The following RSRC1 variants were observed in gnomAD, a reference collection of about 807,000 sequenced individuals.
The protein encoded by RSRC1 is arginine and serine rich coiled-coil 1, also known as serine/Arginine-related protein 53.
RSRC1 carries 39 observed loss-of-function variants against 49.1 expected under a neutral mutation model. The ratio of observed to expected loss-of-function variants is 0.79; its 90% CI spans 0.61 to 1.04. The LOEUF is 1.04. RSRC1 is among the 50% of genes least tolerant of loss of function. The pLI is 0.00. For missense variants in RSRC1, 388 were observed against 402.4 expected, an observed-to-expected ratio of 0.96 and a Z score of 0.31; for synonymous variants, 143 against 130.8, an observed-to-expected ratio of 1.09 and a Z score of -0.63.
intron 3 of RSRC1, among the ~76,000 whole-genome samples, chr3:158,144,391 T>A (rs1716944942): frequency 6.6e-6 from 1 of 152,126 alleles, no homozygotes; most frequent in African/African-American, 2.4e-5. Context: ...AGTGTTTGGT[T>A]TTTTGTCCTT....
At chr3:158,266,860 C>T (rs977073614) in intron 4 of RSRC1, among the ~76,000 whole-genome samples, 6 of 151,970 alleles carry the variant, frequency 3.9e-5, no homozygotes, top group African/African-American at 9.7e-5. Context: ...GCCTCCTGGG[C>T]TCAAATGATT....
intron 5 of RSRC1, among the ~76,000 whole-genome samples, chr3:158,345,741 T>G (rs1730514437): frequency 6.7e-6 from 1 of 149,660 alleles, no homozygotes; most frequent in Non-Finnish European, 1.5e-5. Context: ...ATAATTAGAG[T>G]CTAGAAAGAG....
intron 3 of RSRC1, among the ~76,000 whole-genome samples, chr3:158,196,339 C>T (rs965981730): frequency 3.3e-5 from 5 of 152,116 alleles, no homozygotes; most frequent in African/African-American, 1.2e-4. Context: ...GTGATGTTTG[C>T]ACACTGATTT....
chr3:158,514,093 G>T (rs1479936690), intron 7 of RSRC1, among the ~76,000 whole-genome samples: 1 of 152,098 alleles, frequency 6.6e-6, no homozygotes, highest in Non-Finnish European at 1.5e-5. Context: ...ATTTTTTGAA[G>T]GGTTTTCTGT....
At chr3:158,114,580 T>G (rs1424461168) in intron 1 of RSRC1, among the ~76,000 whole-genome samples, 1 of 152,206 alleles carries the variant, frequency 6.6e-6, no homozygotes, top group Non-Finnish European at 1.5e-5. Context: ...AATCTTTAGG[T>G]CACTTTGGGT....
At chr3:158,283,177 A>G (rs1465324846) in intron 4 of RSRC1, among the ~76,000 whole-genome samples, 1 of 152,204 alleles carries the variant, frequency 6.6e-6, no homozygotes, top group Non-Finnish European at 1.5e-5. Flanking sequence ...TAAAGTGAAC[A>G]CTAGAGGTAA....
intron 6 of RSRC1, among the ~76,000 whole-genome samples, chr3:158,372,184 C>A (rs10936133): frequency 0.52 from 79,144 of 151,464 alleles, 21,062 homozygotes; most frequent in African/African-American, 0.61. Context: ...AGTCTAATTT[C>A]TCAGTTTTTC....
intron 5 of RSRC1, among the ~76,000 whole-genome samples, chr3:158,351,629 G>A (rs1247082426): frequency 2.0e-5 from 3 of 151,814 alleles, no homozygotes; most frequent in African/African-American, 7.3e-5. Flanking sequence ...AACTCTATAT[G>A]CATTTATATC....
At chr3:158,388,949 C>T (rs1307627552) in intron 6 of RSRC1, among the ~76,000 whole-genome samples, 1 of 152,036 alleles carries the variant, frequency 6.6e-6, no homozygotes, top group East Asian at 1.9e-4. Context: ...TTGAAATATA[C>T]TATCAAGTTG....
At chr3:158,420,182 T>A (rs114138292) in intron 6 of RSRC1, among the ~76,000 whole-genome samples, 115 of 152,118 alleles carry the variant, frequency 7.6e-4, no homozygotes, top group Non-Finnish European at 1.5e-3. Context: ...CAACAAATGT[T>A]ATCTCCCATT....
intron 3 of RSRC1, among the ~76,000 whole-genome samples, chr3:158,196,963 T>C (rs1720661757): frequency 6.6e-6 from 1 of 152,168 alleles, no homozygotes; most frequent in Non-Finnish European, 1.5e-5. Context: ...TAAAATTCTC[T>C]TTTTTTGTTG....
At chr3:158,444,674 A>G (rs1044168387) in intron 6 of RSRC1, among the ~76,000 whole-genome samples, 1 of 152,192 alleles carries the variant, frequency 6.6e-6, no homozygotes, top group Non-Finnish European at 1.5e-5. Flanking sequence ...TAATTAAACT[A>G]AAGAGCTTCT....
intron 6 of RSRC1, among the ~76,000 whole-genome samples, chr3:158,459,163 A>G (rs143658616): frequency 2.4e-4 from 36 of 152,172 alleles, no homozygotes; most frequent in Non-Finnish European, 4.6e-4. Flanking sequence ...TGACAGTTTG[A>G]AGCTCAATTA....
intron 4 of RSRC1, among the ~76,000 whole-genome samples, chr3:158,259,886 G>T (rs1027285857): frequency 1.3e-5 from 2 of 152,206 alleles, no homozygotes; most frequent in Non-Finnish European, 2.9e-5. Context: ...AGTATTGCCT[G>T]GCTATCATCA....
At chr3:158,381,087 A>G (rs1394566323) in intron 6 of RSRC1, among the ~76,000 whole-genome samples, 1 of 152,228 alleles carries the variant, frequency 6.6e-6, no homozygotes, top group African/African-American at 2.4e-5. Context: ...ATATATGTAG[A>G]TACTAGTCTA....
chr3:158,163,090 A>G (rs539357032), intron 3 of RSRC1, among the ~76,000 whole-genome samples: 3 of 152,124 alleles, frequency 2.0e-5, no homozygotes, highest in South Asian at 2.1e-4. Flanking sequence ...TGTAACCTTC[A>G]TCTCATGGGT....
chr3:158,523,709 A>G (rs1439038637), intron 7 of RSRC1, among the ~76,000 whole-genome samples: 2 of 152,078 alleles, frequency 1.3e-5, no homozygotes, highest in African/African-American at 2.4e-5. Context: ...AAATCAGGGC[A>G]GTAATGTGGA....
chr3:158,390,430 A>AT (rs1733215277), intron 6 of RSRC1, among the ~76,000 whole-genome samples: 4 of 152,200 alleles, frequency 2.6e-5, no homozygotes, highest in African/African-American at 9.6e-5. Context: ...GCAGTTATAT[A>AT]TAACATTTTA....
intron 5 of RSRC1, among the ~76,000 whole-genome samples, chr3:158,328,178 CTT>C (rs1271008979): frequency 2.0e-5 from 3 of 152,114 alleles, no homozygotes; most frequent in Non-Finnish European, 4.4e-5. Flanking sequence ...GGTCTTGACT[CTT>C]TATCCAATTT....
Sources: allele counts gnomAD v4.1 joint callset (sites outside exome capture counted in the v4.1 genomes callset), GRCh38; gene constraint gnomAD v4.1.1; transcripts MANE v1.5; gene names NCBI Gene and HGNC (gene_info 2026-07-23, HGNC 2026-07-21).